The following KLHL29 variants were observed in gnomAD, a reference collection of about 807,000 sequenced individuals.
KLHL29 encodes kelch like family member 29, also known as kelch-like protein 29.
A neutral mutation model predicts 80.4 loss-of-function variants in KLHL29; 21 were observed. That is an observed-to-expected ratio of 0.26 (90% CI 0.19 to 0.38). The LOEUF (loss-of-function observed/expected upper bound fraction) is 0.38. Ranked by LOEUF, KLHL29 falls within the 10% of genes least tolerant of loss-of-function variation. The pLI, the probability that KLHL29 is intolerant of heterozygous loss-of-function variation, is 1.00. For missense variants in KLHL29, 867 were observed against 1,223.9 expected, an observed-to-expected ratio of 0.71 and a Z score of 4.35; for synonymous variants, 511 against 526.8, an observed-to-expected ratio of 0.97 and a Z score of 0.41.
chr2:23,389,387 A>G (rs559761979), intron 1 of KLHL29, among the ~76,000 whole-genome samples: 1 of 152,362 alleles, frequency 6.6e-6, no homozygotes, highest in East Asian at 1.9e-4. Flanking sequence ...GATCAGGCAA[A>G]GTAATTGGAA....
chr2:23,446,280 C>CA, intron 1 of KLHL29, among the ~76,000 whole-genome samples: 1 of 152,008 alleles, frequency 6.6e-6, no homozygotes, highest in Non-Finnish European at 1.5e-5. Flanking sequence ...ATCTTTCCCC[C>CA]AAAGGTTTGA....
At chr2:23,675,101 TC>T (rs1433787173) in intron 5 of KLHL29, among the ~76,000 whole-genome samples, 1 of 152,136 alleles carries the variant, frequency 6.6e-6, no homozygotes, top group Non-Finnish European at 1.5e-5. Flanking sequence ...GCCCTGGCCT[TC>T]TCCCAAGGTC....
chr2:23,567,624 C>T (rs912540590), intron 3 of KLHL29, among the ~76,000 whole-genome samples: 3 of 152,172 alleles, frequency 2.0e-5, no homozygotes, highest in Non-Finnish European at 4.4e-5. Flanking sequence ...CTGGGATTTC[C>T]GTGGGGATCA....
intron 5 of KLHL29, among the ~76,000 whole-genome samples, chr2:23,654,697 G>GC (rs1491582702): frequency 5.4e-5 from 5 of 93,144 alleles, no homozygotes; most frequent in South Asian, 5.2e-4. Context: ...AACAGAGGTT[G>GC]GGGGGGGGGG....
At chr2:23,578,211 C>A (rs956850400) in intron 3 of KLHL29, among the ~76,000 whole-genome samples, 7 of 152,132 alleles carry the variant, frequency 4.6e-5, no homozygotes, top group African/African-American at 1.7e-4. Flanking sequence ...GCTTAGCCAA[C>A]CACATTAATC....
At chr2:23,592,758 ATTCT>A (rs1436217526) in intron 3 of KLHL29, among the ~76,000 whole-genome samples, 4 of 152,210 alleles carry the variant, frequency 2.6e-5, no homozygotes, top group African/African-American at 9.7e-5. Context: ...AGAGGACAAG[ATTCT>A]TTATGAATCT....
rs1671031603 is a variant in KLHL29, at chr2:23,680,035, C to T, written c.941-4364C>T. ...CTCCCAGAGGGCTGTGCTGCCCCTTCAGCCCCGAAGGATTTGTGTGGCCAG... is the reference window on the plus strand; with the variant it reads ...CTCCCAGAGGGCTGTGCTGCCCCTTTAGCCCCGAAGGATTTGTGTGGCCAG... On this transcript the variant is annotated intron_variant, in intron 5 of 13. Coordinates refer to ENST00000486442, the MANE Select transcript of KLHL29 (RefSeq NM_052920.2). The surrounding 1 kb of genome is among the most constrained non-coding windows in gnomAD (Gnocchi z 4.1). Among the ~76,000 whole-genome samples the T allele has an allele frequency of 6.6e-6, 1 of 152,164 alleles. No individual in the cohort carries two copies. Among genetic ancestry groups the T allele is most frequent in the African/African-American group, 2.4e-5 (1 of 41,442 alleles).
At chr2:23,549,532 A>G (rs1572394305) in intron 2 of KLHL29, among the ~76,000 whole-genome samples, 1 of 152,116 alleles carries the variant, frequency 6.6e-6, no homozygotes, top group Non-Finnish European at 1.5e-5. Context: ...TGAAGCAAAC[A>G]CATCAAGATA....
chr2:23,485,877 A>T (rs887750292), intron 2 of KLHL29, among the ~76,000 whole-genome samples: 2 of 152,224 alleles, frequency 1.3e-5, no homozygotes, highest in Non-Finnish European at 2.9e-5. Context: ...TTAACATAAT[A>T]AAGTGCCTAG....
Position 23,562,607 on chromosome 2 carries a change from T to C in KLHL29, c.285+126T>C. 1.0e-6 allele frequency: 1 copy of C among 956,242 alleles called. No homozygotes were observed. Among genetic ancestry groups the C allele is most frequent in the Non-Finnish European group, 1.5e-6 (1 of 664,442 alleles). 59.2% of individuals were successfully genotyped at this position (956,242 alleles called of 1,614,324 possible). The stretch of plus-strand genomic sequence containing the variant: ...TCCACGCCCCGAGTCCTCCAGAGTC[T>C]TGTCCTTCCAGGACCTGGGCCTGGA... On this transcript the variant is annotated intron_variant, in intron 3 of 13. Transcript: ENST00000486442. The surrounding 1 kb of genome is among the most constrained non-coding windows in gnomAD (Gnocchi z 4.5).
intron 3 of KLHL29, among the ~76,000 whole-genome samples, chr2:23,605,273 T>C (rs958715490): frequency 1.3e-5 from 2 of 151,980 alleles, no homozygotes; most frequent in Non-Finnish European, 2.9e-5. Flanking sequence ...AATTTTTTAA[T>C]TTTTTGAAGA....
rs546315948 is a variant in KLHL29 at position 23,556,459 on chromosome 2, C to T, written c.-45-5693C>T. ...TTTGAGACCAACCTGGCCAAAATGGCGAAACCCCATTTCTACCAAAAAAAA... is the reference window on the plus strand; with the variant it reads ...TTTGAGACCAACCTGGCCAAAATGGTGAAACCCCATTTCTACCAAAAAAAA... On this transcript the variant is annotated intron_variant, in intron 2 of 13. Coordinates refer to ENST00000486442, the MANE Select transcript of KLHL29 (RefSeq NM_052920.2). 8.7e-5 allele frequency among the ~76,000 whole-genome samples: 13 copies of T among 150,066 alleles called. No individual in the cohort carries two copies. The South Asian group carries it at 1.9e-3, about 22-fold the overall frequency.
chr2:23,388,525 A>T (rs62126845), intron 1 of KLHL29, among the ~76,000 whole-genome samples: 8,419 of 152,302 alleles, frequency 0.055, 482 homozygotes, highest in Admixed American at 0.2. Context: ...GCACATCATT[A>T]GTCTATTCAA....
intron 3 of KLHL29, among the ~76,000 whole-genome samples, chr2:23,570,282 G>A (rs1170488590): frequency 6.6e-6 from 1 of 152,158 alleles, no homozygotes; most frequent in African/African-American, 2.4e-5. Flanking sequence ...GGGAAAGGTG[G>A]GTGAATACTT....
intron 2 of KLHL29, chr2:23,524,360 GCCAGGAA>G: frequency 3.2e-5 from 6 of 186,772 alleles, no homozygotes; most frequent in South Asian, 3.2e-4. Flanking sequence ...GAAGTAGCAG[GCCAGGAA>G]ATACCTTTAG....
intron 1 of KLHL29, among the ~76,000 whole-genome samples, chr2:23,392,067 A>G (rs1013318376): frequency 6.6e-6 from 1 of 152,204 alleles, no homozygotes; most frequent in Non-Finnish European, 1.5e-5. Context: ...ATGAAATTGG[A>G]AGAAGCAGTA....
chr2:23,501,241 G>A (rs1665425953), intron 2 of KLHL29, among the ~76,000 whole-genome samples: 1 of 151,962 alleles, frequency 6.6e-6, no homozygotes, highest in African/African-American at 2.4e-5. Flanking sequence ...GGGATCTCAG[G>A]GTCTGTTCCT....
Position 23,598,431 on chromosome 2 carries a change from A to G in KLHL29, c.285+35950A>G, listed in dbSNP as rs114183393. Among the ~76,000 whole-genome samples the G allele has an allele frequency of 5.1e-3, 773 of 152,242 alleles. 5 individuals carry two copies. Among genetic ancestry groups the G allele is most frequent in the African/African-American group, 0.018 (738 of 41,488 alleles). ...ATTCAGATGATATTCATTGTACTGC[A>G]TGTGCGCACACTCACATATACACTG... is the stretch of plus-strand genomic sequence containing the variant. On this transcript the variant is annotated intron_variant, in intron 3 of 13. Coordinates refer to ENST00000486442, the MANE Select transcript of KLHL29 (RefSeq NM_052920.2).
chr2:23,489,841 G>T (rs970681012), intron 2 of KLHL29, among the ~76,000 whole-genome samples: 2 of 152,170 alleles, frequency 1.3e-5, no homozygotes, highest in African/African-American at 2.4e-5. Context: ...CAAGGAGGAG[G>T]TGCCCACATC....
Sources: allele counts gnomAD v4.1 joint callset (sites outside exome capture counted in the v4.1 genomes callset), GRCh38; gene constraint gnomAD v4.1.1; non-coding constraint Gnocchi (gnomAD v3.1); transcripts MANE v1.5; gene names NCBI Gene and HGNC (gene_info 2026-07-23, HGNC 2026-07-21).